Variants in DLL4 observed in about 807,000 individuals in gnomAD.
DLL4 encodes the protein delta-like protein 4.
Under a neutral mutation model 73.6 loss-of-function variants are expected in DLL4, and 7 were observed. That is an observed-to-expected ratio of 0.10 (90% CI 0.05 to 0.18). The LOEUF (loss-of-function observed/expected upper bound fraction) is 0.18, where lower values mean the gene tolerates loss of function less well. DLL4 is among the 10% of genes least tolerant of loss of function. The pLI is 1.00. For synonymous variants in DLL4, 345 were observed against 374.3 expected (o/e 0.92, Z 0.90); for missense variants, 614 against 929.9 (o/e 0.66, Z 4.42).
chr15:40,933,361 C>T (rs1425142962), intron 6 of DLL4, among the ~76,000 whole-genome samples: 1 of 151,980 alleles, frequency 6.6e-6, no homozygotes, highest in Admixed American at 6.6e-5. Flanking sequence ...TCATTCTCTT[C>T]CCTCTCCACC....
At chr15:40,937,634 G>C in intron 10 of DLL4, 108 bp downstream of exon 10, 2 of 841,392 alleles carry the variant, frequency 2.4e-6, no homozygotes, top group South Asian at 1.4e-5. Flanking sequence ...CCCTGCCTTG[G>C]CAGGCCAAGT....
intron 6 of DLL4, among the ~76,000 whole-genome samples, chr15:40,932,803 G>C (rs1361271974): frequency 6.6e-6 from 1 of 152,222 alleles, no homozygotes; most frequent in Non-Finnish European, 1.5e-5. Flanking sequence ...AACCCCCTGA[G>C]TGTTTGCTTA....
At chr15:40,937,973 G>A in intron 10 of DLL4, 56 bp from the exon 11 acceptor site, 1 of 1,593,936 alleles carries the variant, frequency 6.3e-7, no homozygotes, top group African/African-American at 1.3e-5. Flanking sequence ...GGGAGGGCCT[G>A]GAGGGAGTGC....
Position 40,929,362 on chromosome 15 carries a change from C to G in DLL4, c.-307C>G. On this transcript the variant is annotated 5_prime_UTR_variant, in exon 1 of 11. Transcript: ENST00000249749. This position sits in a 1 kb window ranked among gnomAD's most constrained non-coding sequence, Gnocchi z 7.1. Reference sequence around the variant, plus strand: ...TTCAGTAGCGGCGCTGCGCGCAGGCCGGGAACACGAGGCCAAGAGCCGCAG... The same window carrying G: ...TTCAGTAGCGGCGCTGCGCGCAGGCGGGGAACACGAGGCCAAGAGCCGCAG... 1 of 415,810 alleles carries G rather than the reference C, an allele frequency of 2.4e-6. No homozygotes were observed. Among genetic ancestry groups the G allele is most frequent in the Non-Finnish European group, 4.2e-6 (1 of 235,994 alleles). 25.8% of individuals were successfully genotyped at this position (415,810 alleles called of 1,614,324 possible).
chr15:40,932,350 C>T lies in DLL4; in HGVS notation c.753C>T (p.Asn251=), dbSNP rs368418196. The T allele has an allele frequency of 1.1e-4, 176 of 1,613,998 alleles. No homozygotes were observed. Among genetic ancestry groups the T allele is most frequent in the Non-Finnish European group, 1.3e-4 (153 of 1,179,900 alleles). The change falls in exon 6 of 11, where the codon AAC becomes AAT. Residue 251 remains asparagine, a synonymous_variant. Coordinates refer to ENST00000249749, the MANE Select transcript of DLL4 (RefSeq NM_019074.4). ...CRPGWQGRLC[N]ECIPHNGCRH... ...CAGGCTGGCAGGGCCGGCTGTGTAA[C>T]GAATGCATCCCCCACAATGGCTGTC...
chr15:40,936,582 T>A lies in DLL4; in HGVS notation c.1595T>A (p.Val532Asp). ...CCGCCCAGCTTCCCCTGGGTGGCCGTCTCGCTGGGTGTGGGGCTGGCAGTG... is the reference window on the plus strand; with the variant it reads ...CCGCCCAGCTTCCCCTGGGTGGCCGACTCGCTGGGTGTGGGGCTGGCAGTG... ...GLPPSFPWVA[V>D]SLGVGLAVLL... Residue 532 changes from valine to aspartate, a missense_variant, in exon 9 of 11, where the codon GTC becomes GAC. Val to Asp is a radical substitution (Grantham distance 152). Transcript: ENST00000249749. 6.2e-7 allele frequency: 1 copy of A among 1,609,146 alleles called. No homozygotes were observed. The highest frequency in any genetic ancestry group is 8.5e-7 in the Non-Finnish European group (1 of 1,178,402).
intron 10 of DLL4, among the ~76,000 whole-genome samples, chr15:40,937,800 CTCACCCCT>C (rs1388063553): frequency 6.6e-6 from 1 of 152,158 alleles, no homozygotes; most frequent in East Asian, 1.9e-4. Context: ...GAGGGGGCCC[CTCACCCCT>C]TGTGCCCTTC....
chr15:40,934,015 CAAAAAA>C (rs59066863), intron 6 of DLL4, among the ~76,000 whole-genome samples: 1 of 42,132 alleles, frequency 2.4e-5, no homozygotes, highest in Non-Finnish European at 4.1e-5. Context: ...GACTCCGTCT[CAAAAAA>C]AAAAAAAAAA....
chr15:40,932,118 GC>G lies in DLL4; in HGVS notation c.659-52del, dbSNP rs372396361. On this transcript the variant is annotated intron_variant, in intron 4 of 10. Transcript: ENST00000249749. ...CCCAGGGCCAGCAGGTGAGAATGGGGCTTAAGAGTCCTTGGTATCCCAGCCT... is the reference window on the plus strand; with the variant it reads ...CCCAGGGCCAGCAGGTGAGAATGGGGTTAAGAGTCCTTGGTATCCCAGCCT... The G allele has an allele frequency of 3.7e-4, 590 of 1,603,734 alleles. 1 individual carries two copies. The highest frequency in any genetic ancestry group is 3.6e-3 in the Middle Eastern group (22 of 6,050).
rs1248578742 is a variant in DLL4 at position 40,936,541 on chromosome 15, G to A, written c.1554G>A (p.Glu518=). Reference sequence around the variant, plus strand: ...ATGGCTTTGTGGGCAGCCGCTGCGAGTTCCCCGTGGGCTTGCCGCCCAGCT... The same window carrying A: ...ATGGCTTTGTGGGCAGCCGCTGCGAATTCCCCGTGGGCTTGCCGCCCAGCT... The part of the protein sequence containing the change: ...CPYGFVGSRC[E]FPVGLPPSFP... Residue 518 remains glutamate (E), a synonymous_variant, in exon 9 of 11, where the codon GAG becomes GAA. Transcript: ENST00000249749. The A allele has an allele frequency of 4.3e-6, 7 of 1,610,656 alleles. No individual in the cohort carries two copies. Among genetic ancestry groups the A allele is most frequent in the Non-Finnish European group, 5.9e-6 (7 of 1,179,138 alleles).
intron 6 of DLL4, among the ~76,000 whole-genome samples, chr15:40,933,164 C>T (rs544059705): frequency 7.9e-5 from 12 of 152,292 alleles, no homozygotes; most frequent in South Asian, 4.1e-4. Context: ...CCAGAGACAC[C>T]GGCGCAGGCC....
Position 40,936,657 on chromosome 15 carries a change from T to G in DLL4, c.1670T>G (p.Leu557Arg), listed in dbSNP as rs776875287. The G allele has an allele frequency of 3.7e-6, 6 of 1,612,254 alleles. No individual in the cohort carries two copies. Among genetic ancestry groups the G allele is most frequent in the Non-Finnish European group, 4.2e-6 (5 of 1,179,814 alleles). Reference protein sequence around the residue: ...MVAVAVRQLRLRRPDDGSREA... With the variant: ...MVAVAVRQLRRRRPDDGSREA... ...GCAGTGGCTGTGCGGCAGCTGCGGC[T>G]TCGACGGCCGGACGACGGCAGCAGG... is the stretch of plus-strand genomic sequence containing the variant. The change falls in exon 9 of 11, where the codon CTT (leucine) becomes CGT (arginine). Residue 557 changes from leucine (L) to arginine (R), a missense_variant. By Grantham distance (102) the Leu-to-Arg change is moderately radical. Around this residue, in one of 3 missense-constraint regions of DLL4, gnomAD observed 386 missense variants for 541.3 expected, o/e 0.71. Coordinates refer to ENST00000249749, the MANE Select transcript of DLL4 (RefSeq NM_019074.4).
At position 40,935,127 on chromosome 15, in the gene DLL4, G is replaced by T. The variant is rs1417997053; in HGVS notation, c.1240+10G>T. The T allele has an allele frequency of 4.4e-6, 7 of 1,607,376 alleles. No individual in the cohort carries two copies. Among genetic ancestry groups the T allele is most frequent in the Non-Finnish European group, 5.9e-6 (7 of 1,178,542 alleles). On this transcript the variant is annotated intron_variant, in intron 8 of 10. Coordinates refer to ENST00000249749, the MANE Select transcript of DLL4 (RefSeq NM_019074.4). ...AACCCCTGTGCCAACGGTGCGTGCTGCTGCCCTGCTAACCTGGTGGACTGG... is the reference window on the plus strand; with the variant it reads ...AACCCCTGTGCCAACGGTGCGTGCTTCTGCCCTGCTAACCTGGTGGACTGG...
At position 40,934,692 on chromosome 15, in the gene DLL4, C is replaced by T. The variant is rs747015130; in HGVS notation, c.995C>T (p.Pro332Leu). The part of the protein sequence containing the change: ...ELELSECDSN[P>L]CRNGGSCKDQ... ...GAGCTCAGCGAGTGTGACAGCAACC[C>T]CTGTCGCAATGGAGGCAGCTGTAAG... The change falls in exon 7 of 11, where the codon CCC becomes CTC. Residue 332 changes from proline to leucine, a missense_variant. Physicochemically the swap from Pro to Leu is moderately conservative, Grantham distance 98 (BLOSUM62 -3). Transcript: ENST00000249749. 19 of 1,613,846 alleles carry T rather than the reference C, an allele frequency of 1.2e-5. 1 individual carries two copies. The South Asian group carries it at 2.0e-4, about 17-fold the overall frequency.
At position 40,930,681 on chromosome 15, in the gene DLL4, A is replaced by G. The variant is rs745353006; in HGVS notation, c.393A>G (p.Pro131=). 6.2e-7 allele frequency: 1 copy of G among 1,613,568 alleles called. No individual in the cohort carries two copies. ...AWHAPGDDLR[P]EALPPDALIS... ...ACGCGCCAGGAGACGACCTGCGGCCAGGTGAGTAGCTCGCTCCGCCACCAC... is the reference window on the plus strand; with the variant it reads ...ACGCGCCAGGAGACGACCTGCGGCCGGGTGAGTAGCTCGCTCCGCCACCAC... Residue 131 remains proline, a splice_region_variant and synonymous_variant, in exon 3 of 11, where the codon CCA becomes CCG. Transcript: ENST00000249749. This position sits in a 1 kb window ranked among gnomAD's most constrained non-coding sequence, Gnocchi z 5.7.
chr15:40,935,026 G>C lies in DLL4; in HGVS notation c.1149G>C (p.Gly383=). 1 of 1,613,542 alleles carries C rather than the reference G, an allele frequency of 6.2e-7. No homozygotes were observed. The stretch of plus-strand genomic sequence containing the variant: ...GCTCCTGCCGGGAGCGCAACCAGGG[G>C]GCCAACTATGCTTGTGAATGTCCCC... ...NGGSCRERNQ[G]ANYACECPPN... is the part of the protein sequence containing the mutation. Residue 383 remains glycine, a synonymous_variant, in exon 8 of 11, where the codon GGG becomes GGC. Transcript: ENST00000249749.
chr15:40,933,270 G>GTGTC (rs1892795332), intron 6 of DLL4, among the ~76,000 whole-genome samples: 1 of 142,088 alleles, frequency 7.0e-6, no homozygotes, highest in Admixed American at 7.0e-5. Context: ...TCCCTGTGTT[G>GTGTC]TGTGTGTGTG....
At position 40,933,268 on chromosome 15, in the gene DLL4, T is replaced by TTGTTGTG. The variant is rs1892794849; in HGVS notation, c.850+824_850+825insTGTGTGT. 5.4e-5 allele frequency among the ~76,000 whole-genome samples: 8 copies of TTGTTGTG among 147,450 alleles called. No homozygotes were observed. The South Asian group carries it at 1.5e-3, about 28-fold the overall frequency. ...AGGGGCTTGGGATTCAGTCCCTGTG[T>TTGTTGTG]TGTGTGTGTGTGTGTGTGTGTGTGT... On this transcript the variant is annotated intron_variant, in intron 6 of 10. Transcript: ENST00000249749.
In DLL4 at chr15:40,936,818, C is replaced by T. The variant is rs749960935; in HGVS notation, c.1831C>T (p.His611Tyr). ...GTCCAACTGTGGCAAACAGCAAAAC[C>T]ACACATTGGACTATAATCTGGCCCC... is the stretch of plus-strand genomic sequence containing the variant. ...DKSNCGKQQN[H>Y]TLDYNLAPGP... Residue 611 changes from histidine (H) to tyrosine (Y), a missense_variant, in exon 9 of 11, where the codon CAC (histidine) becomes TAC (tyrosine). Transcript: ENST00000249749. The T allele has an allele frequency of 1.2e-6, 2 of 1,613,642 alleles. No individual in the cohort carries two copies. Among genetic ancestry groups the T allele is most frequent in the Middle Eastern group, 1.6e-4 (1 of 6,062 alleles).
Sources: gnomAD v4.1 joint callset for allele counts (sites outside exome capture counted in the v4.1 genomes callset) on GRCh38, gnomAD v4.1.1 for gene constraint, gnomAD v4.1.1 regional missense constraint, Gnocchi (gnomAD v3.1) non-coding constraint, MANE v1.5 for transcripts, NCBI Gene and HGNC (gene_info 2026-07-23, HGNC 2026-07-21) for gene names.